Variants in PMEPA1 observed in about 807,000 individuals in gnomAD.
The protein encoded by PMEPA1 is protein TMEPAI.
In PMEPA1, 11 loss-of-function variants were observed where a neutral mutation model predicts 23.0. The ratio of observed to expected loss-of-function variants is 0.48; its 90% confidence interval spans 0.30 to 0.79. PMEPA1 has a LOEUF of 0.79. PMEPA1 is among the 30% of genes least tolerant of loss of function. The probability of loss-of-function intolerance (pLI) is 0.06; values close to 1 mark genes in which losing one functional copy is unlikely to be tolerated. For missense variants in PMEPA1, 377 were observed against 390.9 expected, an observed-to-expected ratio of 0.96 and a Z score of 0.30; for synonymous variants, 204 against 166.4, an observed-to-expected ratio of 1.23 and a Z score of -1.74.
chr20:57,703,493 G>A (rs1037591343), intron 1 of PMEPA1, among the ~76,000 whole-genome samples: 3 of 152,158 alleles, frequency 2.0e-5, no homozygotes, highest in African/African-American at 7.2e-5. Flanking sequence ...TCCAGCCTCT[G>A]TCCACCAAGC....
At chr20:57,674,123 A>C (rs976940077) in intron 1 of PMEPA1, among the ~76,000 whole-genome samples, 5 of 152,196 alleles carry the variant, frequency 3.3e-5, no homozygotes, top group Admixed American at 2.6e-4. Flanking sequence ...CATATGTTGA[A>C]GCCCTGACCC....
chr20:57,677,153 G>T (rs1489059660), intron 1 of PMEPA1, among the ~76,000 whole-genome samples: 10 of 152,178 alleles, frequency 6.6e-5, no homozygotes, highest in Admixed American at 6.5e-4. Flanking sequence ...ACTCTGCATC[G>T]CCTGGTGGCC....
At chr20:57,710,236 G>A (rs1035570315), upstream of PMEPA1, 2 of 537,436 alleles carry the variant, frequency 3.7e-6, no homozygotes, top group Admixed American at 4.2e-5. Context: ...CCCCAACGGC[G>A]GTCAGCTTGG....
At chr20:57,699,476 C>G (rs2071982927) in intron 1 of PMEPA1, among the ~76,000 whole-genome samples, 1 of 152,208 alleles carries the variant, frequency 6.6e-6, no homozygotes, top group Admixed American at 6.5e-5. Flanking sequence ...GACTCCACAT[C>G]TAGAAAGCGG....
intron 1 of PMEPA1, among the ~76,000 whole-genome samples, chr20:57,661,162 T>C (rs1156654898): frequency 1.3e-5 from 2 of 152,238 alleles, no homozygotes; most frequent in African/African-American, 4.8e-5. Flanking sequence ...GTTTTTGATT[T>C]GTTTTTCCCC....
At chr20:57,658,872 C>G (rs1355376711) in intron 2 of PMEPA1, among the ~76,000 whole-genome samples, 1 of 152,216 alleles carries the variant, frequency 6.6e-6, no homozygotes, top group Non-Finnish European at 1.5e-5. Context: ...GCACCTTTCC[C>G]ACCACTACCC....
Position 57,652,503 on chromosome 20 carries a change from C to CGGAT in PMEPA1, c.410_413dup (p.Tyr139SerfsTer58). 1 of 1,593,442 alleles carries CGGAT rather than the reference C, an allele frequency of 6.3e-7. No homozygotes were observed. The highest frequency in any genetic ancestry group is 8.6e-7 in the Non-Finnish European group (1 of 1,167,926). ...GCAGGTCGATCTCGTGCTGCAGGTA[C>CGGAT]GGATAGGTGGGCTGGAAGCGGTGGA... On this transcript the variant is annotated frameshift_variant, in exon 4 of 4. Transcript: ENST00000341744. LOFTEE classifies it high-confidence loss of function. This position sits in a 1 kb window ranked among gnomAD's most constrained non-coding sequence, Gnocchi z 6.1.
chr20:57,703,226 C>G (rs368648933), intron 1 of PMEPA1, among the ~76,000 whole-genome samples: 19 of 152,246 alleles, frequency 1.2e-4, no homozygotes, highest in Non-Finnish European at 2.5e-4. Context: ...GGCCCCTCCC[C>G]GGCCCTCCCC....
intron 1 of PMEPA1, among the ~76,000 whole-genome samples, chr20:57,665,019 G>A (rs1358681210): frequency 1.3e-5 from 2 of 152,136 alleles, no homozygotes; most frequent in Non-Finnish European, 2.9e-5. Flanking sequence ...TGCAGGGGTG[G>A]GTCCTACCAC....
At chr20:57,695,449 A>G (rs1008529741) in intron 1 of PMEPA1, among the ~76,000 whole-genome samples, 2 of 152,272 alleles carry the variant, frequency 1.3e-5, no homozygotes, top group Non-Finnish European at 2.9e-5. Flanking sequence ...TTTCACCGCT[A>G]GAGAATCGGA....
chr20:57,673,147 C>A (rs2071592203), intron 1 of PMEPA1, among the ~76,000 whole-genome samples: 1 of 152,090 alleles, frequency 6.6e-6, no homozygotes, highest in African/African-American at 2.4e-5. Flanking sequence ...GCCGCCAGCA[C>A]CCTGGCCGCA....
At chr20:57,706,590 A>G (rs149779830) in intron 1 of PMEPA1, among the ~76,000 whole-genome samples, 1 of 152,238 alleles carries the variant, frequency 6.6e-6, no homozygotes, top group Non-Finnish European at 1.5e-5. Context: ...AGCCCACTCC[A>G]TTCAGCATCC....
intron 1 of PMEPA1, among the ~76,000 whole-genome samples, chr20:57,705,982 T>C (rs1320628786): frequency 1.3e-5 from 2 of 152,218 alleles, no homozygotes; most frequent in Non-Finnish European, 2.9e-5. Flanking sequence ...TCAAACAGCA[T>C]GTGCCAGGCA....
chr20:57,690,551 G>A, intron 1 of PMEPA1: 1 of 1,282,560 alleles, frequency 7.8e-7, no homozygotes, highest in Non-Finnish European at 1.0e-6. Context: ...ATTAACTGTA[G>A]CAGGAGGCGG....
chr20:57,700,961 T>C (rs1458342303), intron 1 of PMEPA1, among the ~76,000 whole-genome samples: 1 of 150,068 alleles, frequency 6.7e-6, no homozygotes, highest in Admixed American at 6.7e-5. Context: ...ACCCGGGAGG[T>C]AGAGGTTGCA....
At chr20:57,707,874 C>T (rs1159986407) in intron 1 of PMEPA1, among the ~76,000 whole-genome samples, 1 of 152,192 alleles carries the variant, frequency 6.6e-6, no homozygotes, top group Admixed American at 6.5e-5. Flanking sequence ...ATTTTAATAA[C>T]ATTCTCGTGC....
chr20:57,650,689 T>C lies in PMEPA1; in HGVS notation c.*1364A>G, dbSNP rs930784219. On this transcript the variant is annotated 3_prime_UTR_variant, in exon 4 of 4. Transcript: ENST00000341744. ...TGCGCCCGAAGCTCGGGTTGGTGTT[T>C]GCTCAACTGCTTTACTCATTTTAAC... The C allele has an allele frequency of 2.0e-5, 3 of 152,286 alleles. No homozygotes were observed. The highest frequency in any genetic ancestry group is 2.9e-5 in the Non-Finnish European group (2 of 68,066). 9.4% of individuals were successfully genotyped at this position (152,286 alleles called of 1,614,324 possible). A position where few individuals can be genotyped will look rare whatever the true frequency, so the allele number is the denominator to read the frequency against.
Position 57,659,687 on chromosome 20 carries a change from C to A in PMEPA1, c.120G>T (p.Glu40Asp). ...CCACGATGATGATGATCTGAACAAA[C>A]TCCAGCTCCGCTGTGGAGACAAAGA... ...LFQSMEITEL[E>D]FVQIIIIVVV... is the part of the protein sequence containing the mutation. Residue 40 changes from glutamate to aspartate, a missense_variant, in exon 2 of 4, where the codon GAG becomes GAT. This residue lies in a region of PMEPA1 where 198 missense variants were observed against 196.3 expected (regional missense o/e 1.01). Coordinates refer to ENST00000341744, the MANE Select transcript of PMEPA1 (RefSeq NM_020182.5). The A allele has an allele frequency of 6.3e-7, 1 of 1,579,496 alleles. No homozygotes were observed. The highest frequency in any genetic ancestry group is 1.2e-5 in the South Asian group (1 of 86,470).
intron 1 of PMEPA1, chr20:57,690,682 G>A (rs376283487): frequency 1.3e-5 from 10 of 764,490 alleles, no homozygotes; most frequent in South Asian, 5.8e-5. Context: ...GGAAACACTC[G>A]GTGCAGATGA....
Sources: gnomAD v4.1 joint callset for allele counts (sites outside exome capture counted in the v4.1 genomes callset) on GRCh38, gnomAD v4.1.1 for gene constraint, gnomAD v4.1.1 regional missense constraint, Gnocchi (gnomAD v3.1) non-coding constraint, MANE v1.5 for transcripts, NCBI Gene and HGNC (gene_info 2026-07-23, HGNC 2026-07-21) for gene names.